CPED1: variants seen among roughly 807,000 people sequenced by gnomAD.
The protein encoded by CPED1 is cadherin like and PC-esterase domain containing 1, also known as cadherin-like and PC-esterase domain-containing protein 1.
A neutral mutation model predicts 128.2 loss-of-function variants in CPED1; 114 were observed. That is an observed-to-expected ratio of 0.89 (90% confidence interval 0.76 to 1.04). The LOEUF (loss-of-function observed/expected upper bound fraction) is 1.04. CPED1 is among the 50% of genes least tolerant of loss of function. The pLI is 0.00. For missense variants in CPED1, 1,211 were observed against 1,207.1 expected (o/e 1.00, Z -0.05); for synonymous variants, 462 against 426.7 (o/e 1.08, Z -1.02).
At chr7:121,128,527 G>A (rs2116326644) in intron 11 of CPED1, 41 bp downstream of exon 11, 1 of 990,690 alleles carries the variant, frequency 1.0e-6, no homozygotes, top group Non-Finnish European at 1.6e-6. Context: ...TGGTGACTGG[G>A]ATTAGAGTAG....
intron 18 of CPED1, among the ~76,000 whole-genome samples, chr7:121,262,559 T>G (rs1371322085): frequency 2.0e-5 from 3 of 152,072 alleles, no homozygotes; most frequent in African/African-American, 7.2e-5. Flanking sequence ...ATTTTTTCTC[T>G]TTGCTTATCC....
At chr7:121,276,846 G>C (rs923824713) in intron 22 of CPED1, among the ~76,000 whole-genome samples, 7 of 152,076 alleles carry the variant, frequency 4.6e-5, no homozygotes, top group African/African-American at 1.4e-4. Context: ...AGTAGGTGAG[G>C]GCAAGATCAT....
chr7:121,000,545 G>A (rs1791822262), intron 2 of CPED1, among the ~76,000 whole-genome samples: 1 of 152,090 alleles, frequency 6.6e-6, no homozygotes, highest in African/African-American at 2.4e-5. Context: ...TGCAGAATGG[G>A]CCTTATCATG....
chr7:121,008,127 C>T (rs1348071474), intron 2 of CPED1, among the ~76,000 whole-genome samples: 1 of 152,026 alleles, frequency 6.6e-6, no homozygotes, highest in Admixed American at 6.6e-5. Flanking sequence ...ATCCAGAAAA[C>T]AAAACAAGAA....
intron 16 of CPED1, among the ~76,000 whole-genome samples, chr7:121,233,283 T>C (rs1184064829): frequency 6.6e-6 from 1 of 152,112 alleles, no homozygotes; most frequent in Non-Finnish European, 1.5e-5. Flanking sequence ...TGATTCACTC[T>C]AAGTGTGAAG....
intron 16 of CPED1, among the ~76,000 whole-genome samples, chr7:121,199,876 G>A (rs1276787581): frequency 6.6e-6 from 1 of 151,852 alleles, no homozygotes; most frequent in Non-Finnish European, 1.5e-5. Flanking sequence ...TATGTTATTG[G>A]ACCAAATATA....
intron 5 of CPED1, among the ~76,000 whole-genome samples, chr7:121,069,557 A>T (rs966164744): frequency 1.3e-5 from 2 of 152,152 alleles, no homozygotes; most frequent in East Asian, 3.8e-4. Flanking sequence ...AGTCTGTTCC[A>T]TTCCATAGCC....
chr7:121,004,850 G>A (rs1791964504), intron 2 of CPED1, among the ~76,000 whole-genome samples: 1 of 152,112 alleles, frequency 6.6e-6, no homozygotes, highest in Non-Finnish European at 1.5e-5. Flanking sequence ...AAGTAAAAAT[G>A]AAGTCATATG....
chr7:121,088,607 C>G (rs1343102491), intron 5 of CPED1, among the ~76,000 whole-genome samples: 3 of 150,104 alleles, frequency 2.0e-5, no homozygotes, highest in Non-Finnish European at 4.4e-5. Context: ...TGCAGTGAGC[C>G]GAGATTGTCC....
chr7:121,061,256 G>A, intron 4 of CPED1: 1 of 842,104 alleles, frequency 1.2e-6, no homozygotes, highest in Non-Finnish European at 1.4e-6. Flanking sequence ...TTCAAAAATT[G>A]ATCTCATGGA....
intron 5 of CPED1, among the ~76,000 whole-genome samples, chr7:121,088,664 AAAAAG>A (rs1445490089): frequency 2.7e-5 from 4 of 150,632 alleles, no homozygotes; most frequent in African/African-American, 2.4e-5. Flanking sequence ...TTCTCAAAAA[AAAAAG>A]AAAAGTAGTC....
At chr7:121,210,330 A>G (rs1011842247) in intron 16 of CPED1, among the ~76,000 whole-genome samples, 26 of 152,044 alleles carry the variant, frequency 1.7e-4, no homozygotes, top group African/African-American at 6.0e-4. Context: ...AAGAAAGGAA[A>G]TTAGCATATA....
chr7:121,229,838 T>C (rs1278413260), intron 16 of CPED1, among the ~76,000 whole-genome samples: 1 of 151,988 alleles, frequency 6.6e-6, no homozygotes, highest in East Asian at 1.9e-4. Flanking sequence ...TGTGAGTGCT[T>C]CAAAACAGAC....
chr7:121,189,864 A>G (rs1584582488), intron 16 of CPED1, among the ~76,000 whole-genome samples: 1 of 147,180 alleles, frequency 6.8e-6, no homozygotes, highest in East Asian at 2.0e-4. Context: ...AGATGCAAAG[A>G]TTTATTTATT....
At chr7:120,995,832 G>C (rs549552754) in intron 2 of CPED1, among the ~76,000 whole-genome samples, 2 of 152,198 alleles carry the variant, frequency 1.3e-5, no homozygotes, top group Admixed American at 6.5e-5. Flanking sequence ...CTCCAAATTA[G>C]AAAGACCACA....
rs778328040 is a variant in CPED1, at chr7:121,097,772, C to T, written c.690C>T (p.His230=). 13 of 1,613,714 alleles carry T rather than the reference C, an allele frequency of 8.1e-6. No homozygotes were observed. The Admixed American group carries it at 1.0e-4, about 12-fold the overall frequency. ...GMQLKPSTSS[H]LLKTVKPRVW... Reference sequence around the variant, plus strand: ...AATTAAAGCCGAGTACTTCGAGTCACCTTTTAAAAACAGTGAAGCCACGTG... The same window carrying T: ...AATTAAAGCCGAGTACTTCGAGTCATCTTTTAAAAACAGTGAAGCCACGTG... Residue 230 remains histidine, a synonymous_variant, in exon 6 of 23, where the codon CAC becomes CAT. Transcript: ENST00000310396.
chr7:121,287,738 G>A (rs2952556), intron 22 of CPED1, among the ~76,000 whole-genome samples: 71,458 of 151,988 alleles, frequency 0.47, 18,839 homozygotes, highest in African/African-American at 0.71. Context: ...CAATTGGAAT[G>A]GCATTTTAAT....
intron 5 of CPED1, among the ~76,000 whole-genome samples, chr7:121,086,397 G>A (rs898032701): frequency 3.3e-5 from 5 of 152,050 alleles, no homozygotes; most frequent in Admixed American, 2.6e-4. Flanking sequence ...TTTTAATAAG[G>A]TATTTTGTTG....
Position 121,174,766 on chromosome 7 carries a change from C to T in CPED1, c.2055+32625C>T, listed in dbSNP as rs1796737041. 3.9e-5 allele frequency among the ~76,000 whole-genome samples: 6 copies of T among 151,984 alleles called. No homozygotes were observed. In the South Asian group the frequency reaches 1.2e-3, roughly 32 times the overall value. ...TTTTTTCTAGTTCTATGAAGAATAT[C>T]ATTGGTAGTTTGATAGCAGCGGCAT... is the stretch of plus-strand genomic sequence containing the variant. On this transcript the variant is annotated intron_variant, in intron 16 of 22. Transcript: ENST00000310396.
Sources: allele counts gnomAD v4.1 joint callset (sites outside exome capture counted in the v4.1 genomes callset), GRCh38; gene constraint gnomAD v4.1.1; transcripts MANE v1.5; gene names NCBI Gene and HGNC (gene_info 2026-07-23, HGNC 2026-07-21).